Variants in PAK1IP1 observed in about 807,000 individuals in gnomAD.
The protein encoded by PAK1IP1 is p21-activated protein kinase-interacting protein 1.
Under a neutral mutation model 42.0 loss-of-function variants are expected in PAK1IP1, and 24 were observed. The ratio of observed to expected loss-of-function variants is 0.57; its 90% confidence interval spans 0.41 to 0.80. PAK1IP1 has a LOEUF of 0.80. Among genes scored for constraint, PAK1IP1 ranks in the 30% least tolerant of loss-of-function variants. PAK1IP1 has a pLI of 0.00. For missense variants in PAK1IP1, 411 were observed against 467.9 expected, an observed-to-expected ratio of 0.88 and a Z score of 1.12; for synonymous variants, 154 against 156.7, an observed-to-expected ratio of 0.98 and a Z score of 0.13.
At chr6:10,701,079 T>G (rs1372714024) in intron 2 of PAK1IP1, among the ~76,000 whole-genome samples, 1 of 152,146 alleles carries the variant, frequency 6.6e-6, no homozygotes, top group Non-Finnish European at 1.5e-5. Context: ...TTCTATTTCT[T>G]TCTTTCCTTC....
At chr6:10,705,378 A>G (rs1327226125) in intron 7 of PAK1IP1, among the ~76,000 whole-genome samples, 1 of 152,144 alleles carries the variant, frequency 6.6e-6, no homozygotes, top group Non-Finnish European at 1.5e-5. Context: ...TCATTTACAC[A>G]AGGTATTTTT....
At chr6:10,708,592 T>C (rs562918938) in intron 8 of PAK1IP1, among the ~76,000 whole-genome samples, 86 of 152,040 alleles carry the variant, frequency 5.7e-4, no homozygotes, top group African/African-American at 1.5e-3. Flanking sequence ...AGGTTAGTTA[T>C]ATATGTATAC....
intron 9 of PAK1IP1, 43 bp downstream of exon 9, chr6:10,709,119 T>C: frequency 6.3e-7 from 1 of 1,575,932 alleles, no homozygotes; most frequent in African/African-American, 1.4e-5. Flanking sequence ...TAATCTATTA[T>C]CTCTTAAATT....
intron 2 of PAK1IP1, among the ~76,000 whole-genome samples, chr6:10,699,200 CAAAAAAAA>C (rs796680429): frequency 4.0e-4 from 22 of 55,394 alleles, no homozygotes; most frequent in African/African-American, 8.0e-4. Flanking sequence ...GACTCTGTCT[CAAAAAAAA>C]AAAAAAAAAA....
At chr6:10,694,908 T>TG (rs1561888096), upstream of PAK1IP1, 65 of 845,706 alleles carry the variant, frequency 7.7e-5, no homozygotes, top group African/African-American at 5.5e-4. Context: ...CAGGTGTTTT[T>TG]TTTTTTTTTT....
chr6:10,694,618 GCCCC>G, upstream of PAK1IP1: 3 of 190,214 alleles, frequency 1.6e-5, no homozygotes, highest in South Asian at 8.7e-5. Context: ...CCGGAAGTCG[GCCCC>G]ACCTCCTCCT....
chr6:10,691,123 C>T (rs567686787), upstream of PAK1IP1, among the ~76,000 whole-genome samples: 3 of 152,342 alleles, frequency 2.0e-5, no homozygotes, highest in East Asian at 5.8e-4. Flanking sequence ...CATATCTCAG[C>T]ATTTATAACC....
At chr6:10,707,264 G>A (rs1770232524) in intron 7 of PAK1IP1, 151 bp from the exon 8 acceptor site, 8 of 602,658 alleles carry the variant, frequency 1.3e-5, no homozygotes, top group South Asian at 4.2e-5. Flanking sequence ...ATGGGAATGC[G>A]AAGCATAGCT....
upstream of PAK1IP1, chr6:10,694,568 A>G (rs186798843): frequency 1.6e-5 from 3 of 186,536 alleles, no homozygotes; most frequent in Non-Finnish European, 3.5e-5. Flanking sequence ...ACAGCCCACA[A>G]CAATGCACGC....
At position 10,697,482 on chromosome 6, in the gene PAK1IP1, C is replaced by T. The variant is rs771798019; in HGVS notation, c.243C>T (p.His81=). 2.7e-5 allele frequency: 43 copies of T among 1,609,308 alleles called. No individual in the cohort carries two copies. Among genetic ancestry groups the T allele is most frequent in the Non-Finnish European group, 7.7e-6 (9 of 1,176,314 alleles). Reference sequence around the variant, plus strand: ...TTGAGCATGGGGCTCTAGTGCATCACAGTGGTAAGAAAATTGTATCCCTTA... The same window carrying T: ...TTGAGCATGGGGCTCTAGTGCATCATAGTGGTAAGAAAATTGTATCCCTTA... ...KKIEHGALVH[H]SGTITCLKFY... Residue 81 remains histidine, a synonymous_variant, in exon 2 of 10, where the codon CAC becomes CAT. Coordinates refer to ENST00000379568, the MANE Select transcript of PAK1IP1 (RefSeq NM_017906.3).
chr6:10,694,603 ACCGGCCG>A, upstream of PAK1IP1: 1 of 179,128 alleles, frequency 5.6e-6, no homozygotes, highest in Admixed American at 6.0e-5. Context: ...CCCCTAAGCA[ACCGGCCG>A]GAAGTCGGCC....
intron 1 of PAK1IP1, among the ~76,000 whole-genome samples, chr6:10,696,507 T>G (rs575232896): frequency 6.6e-6 from 1 of 152,244 alleles, no homozygotes; most frequent in Non-Finnish European, 1.5e-5. Flanking sequence ...GCTGTCATGC[T>G]TCGCACTCAT....
chr6:10,709,133 G>A lies in PAK1IP1; in HGVS notation c.964+57G>A. On this transcript the variant is annotated intron_variant, in intron 9 of 9. Coordinates refer to ENST00000379568, the MANE Select transcript of PAK1IP1 (RefSeq NM_017906.3). The stretch of plus-strand genomic sequence containing the variant: ...ATAATCTATTATCTCTTAAATTGTA[G>A]AAGTGGAGGAGATCCAGATAATTTC... The A allele has an allele frequency of 2.0e-6, 3 of 1,534,232 alleles. No individual in the cohort carries two copies. The Admixed American group carries it at 5.5e-5, about 28-fold the overall frequency.
chr6:10,700,268 A>G (rs1369643897), intron 2 of PAK1IP1, among the ~76,000 whole-genome samples: 1 of 152,078 alleles, frequency 6.6e-6, no homozygotes, highest in African/African-American at 2.4e-5. Context: ...ATGTTGGCCA[A>G]GCTGGTCTTG....
At chr6:10,707,028 G>A (rs934069772) in intron 7 of PAK1IP1, among the ~76,000 whole-genome samples, 1 of 152,214 alleles carries the variant, frequency 6.6e-6, no homozygotes, top group African/African-American at 2.4e-5. Context: ...GACTGGAGAT[G>A]AGGGAAATGG....
At chr6:10,691,885 T>C (rs770416421), upstream of PAK1IP1, among the ~76,000 whole-genome samples, 16 of 152,296 alleles carry the variant, frequency 1.1e-4, no homozygotes, top group South Asian at 3.3e-3. Context: ...TCATGGTGCT[T>C]ACACCATGGT....
Position 10,703,662 on chromosome 6 carries a change from A to G in PAK1IP1, c.496+205A>G, listed in dbSNP as rs77430455. 5.8e-3 allele frequency among the ~76,000 whole-genome samples: 884 copies of G among 152,372 alleles called. 8 individuals carry two copies. The highest frequency in any genetic ancestry group is 0.02 in the African/African-American group (840 of 41,582). ...GTAAAATTACCTTCCGGCTAGGTGT[A>G]TATGAAGCATAGATGAATTTCATGT... On this transcript the variant is annotated intron_variant, in intron 5 of 9. Transcript: ENST00000379568.
intron 5 of PAK1IP1, 70 bp from the exon 6 acceptor site, chr6:10,704,437 A>C (rs1770136690): frequency 1.1e-6 from 1 of 882,160 alleles, no homozygotes; most frequent in Admixed American, 2.9e-5. Context: ...AATATTTGCT[A>C]TTTTTATTAC....
chr6:10,699,070 C>T (rs946436756), intron 2 of PAK1IP1, among the ~76,000 whole-genome samples: 1 of 151,904 alleles, frequency 6.6e-6, no homozygotes, highest in Non-Finnish European at 1.5e-5. Context: ...CATGGTGGCA[C>T]GTACCTGTAG....
Sources: allele counts gnomAD v4.1 joint callset (sites outside exome capture counted in the v4.1 genomes callset), GRCh38; gene constraint gnomAD v4.1.1; transcripts MANE v1.5; gene names NCBI Gene and HGNC (gene_info 2026-07-23, HGNC 2026-07-21).